Variants in FER observed in about 807,000 individuals in gnomAD.
FER encodes the protein FER tyrosine kinase, also known as tyrosine-protein kinase Fer.
A neutral mutation model predicts 111.0 loss-of-function variants in FER; 63 were observed. The ratio of observed to expected loss-of-function variants is 0.57; its 90% CI spans 0.46 to 0.70. The LOEUF is 0.70. FER is among the 30% of genes least tolerant of loss of function. FER has a pLI of 0.00. For missense variants in FER, 914 were observed against 954.0 expected, an observed-to-expected ratio of 0.96 and a Z score of 0.55; for synonymous variants, 327 against 313.9, an observed-to-expected ratio of 1.04 and a Z score of -0.44.
At chr5:109,117,685 G>A (rs926135396) in intron 17 of FER, among the ~76,000 whole-genome samples, 7 of 151,316 alleles carry the variant, frequency 4.6e-5, no homozygotes, top group African/African-American at 1.7e-4. Flanking sequence ...TTATTTCCTT[G>A]AGCAGTGGTT....
At chr5:108,940,862 C>T (rs1298360529) in intron 10 of FER, among the ~76,000 whole-genome samples, 2 of 152,018 alleles carry the variant, frequency 1.3e-5, no homozygotes, top group Non-Finnish European at 2.9e-5. Flanking sequence ...AAACTGAGTA[C>T]TCTAGGCTTT....
At chr5:109,075,783 G>A (rs1776274881) in intron 16 of FER, among the ~76,000 whole-genome samples, 1 of 152,068 alleles carries the variant, frequency 6.6e-6, no homozygotes, top group Non-Finnish European at 1.5e-5. Flanking sequence ...ATTAATCGTG[G>A]TTGGAAGCTA....
intron 17 of FER, among the ~76,000 whole-genome samples, chr5:109,122,717 A>G (rs946277651): frequency 2.0e-5 from 3 of 152,140 alleles, no homozygotes; most frequent in African/African-American, 7.2e-5. Flanking sequence ...TTTAGCCCTA[A>G]TAATATTTGC....
intron 8 of FER, among the ~76,000 whole-genome samples, chr5:108,875,488 T>C (rs549997360): frequency 7.2e-5 from 11 of 152,184 alleles, no homozygotes; most frequent in Non-Finnish European, 1.2e-4. Flanking sequence ...TAAAATTATA[T>C]ATGCAAATAT....
Position 108,977,469 on chromosome 5 carries a change from A to T in FER, c.1656+18122A>T, listed in dbSNP as rs182302488. ...AAATATTTTCCAATGTATTTAATTT[A>T]AAAAGTCCATGTATAAGTGAATCCA... On this transcript the variant is annotated intron_variant, in intron 13 of 19. Coordinates refer to ENST00000281092, the MANE Select transcript of FER (RefSeq NM_005246.4). Among the ~76,000 whole-genome samples, 427 of 152,306 alleles carry T rather than the reference A, an allele frequency of 2.8e-3. 1 individual carries two copies. Among genetic ancestry groups the T allele is most frequent in the Middle Eastern group, 6.8e-3 (2 of 294 alleles).
At chr5:109,146,049 AT>A (rs944393464) in intron 17 of FER, among the ~76,000 whole-genome samples, 8 of 151,208 alleles carry the variant, frequency 5.3e-5, no homozygotes, top group African/African-American at 1.9e-4. Flanking sequence ...CAGGCAACCA[AT>A]AAAAAACTAT....
intron 17 of FER, among the ~76,000 whole-genome samples, chr5:109,128,563 T>G (rs1351425936): frequency 6.6e-6 from 1 of 152,152 alleles, no homozygotes; most frequent in African/African-American, 2.4e-5. Context: ...GTTTACTCTC[T>G]TGTAGCATGC....
intron 17 of FER, among the ~76,000 whole-genome samples, chr5:109,102,552 TTC>T (rs1162812965): frequency 6.6e-6 from 1 of 152,212 alleles, no homozygotes. Context: ...ATAGAATATC[TTC>T]TTTTTGTTTT....
At chr5:109,118,560 G>T (rs1443085731) in intron 17 of FER, among the ~76,000 whole-genome samples, 1 of 152,132 alleles carries the variant, frequency 6.6e-6, no homozygotes, top group African/African-American at 2.4e-5. Flanking sequence ...TCTATTGATT[G>T]GAATAGTTTC....
chr5:108,988,786 C>T (rs1350533283), intron 13 of FER, among the ~76,000 whole-genome samples: 1 of 151,986 alleles, frequency 6.6e-6, no homozygotes, highest in Non-Finnish European at 1.5e-5. Flanking sequence ...TTATTTGTTT[C>T]AGTTTCATTT....
At chr5:109,005,411 A>G (rs778393283) in intron 13 of FER, among the ~76,000 whole-genome samples, 1 of 152,096 alleles carries the variant, frequency 6.6e-6, no homozygotes, top group Non-Finnish European at 1.5e-5. Flanking sequence ...GTGTTTATTC[A>G]AACATACTTA....
chr5:108,772,437 A>C (rs1164535171), intron 2 of FER, among the ~76,000 whole-genome samples: 4 of 148,884 alleles, frequency 2.7e-5, no homozygotes, highest in Non-Finnish European at 6.0e-5. Flanking sequence ...ATTTTCAAAC[A>C]GCTGCTTGCT....
intron 16 of FER, among the ~76,000 whole-genome samples, chr5:109,063,870 C>CT (rs1052995336): frequency 3.3e-5 from 5 of 152,028 alleles, no homozygotes; most frequent in Non-Finnish European, 5.9e-5. Context: ...AGAATGAGTA[C>CT]TTTTTTTCTT....
intron 16 of FER, among the ~76,000 whole-genome samples, chr5:109,097,878 C>A (rs1747732354): frequency 6.6e-6 from 1 of 151,704 alleles, no homozygotes; most frequent in African/African-American, 2.4e-5. Flanking sequence ...GAGGTCCTTG[C>A]TTCCCTCTAG....
intron 13 of FER, among the ~76,000 whole-genome samples, chr5:108,975,682 T>C (rs150616350): frequency 6.6e-6 from 1 of 152,176 alleles, no homozygotes; most frequent in African/African-American, 2.4e-5. Context: ...AGGTAAGAAA[T>C]AGAAGTGACA....
chr5:109,179,376 C>G (rs980143090), intron 17 of FER, among the ~76,000 whole-genome samples: 5 of 150,196 alleles, frequency 3.3e-5, no homozygotes, highest in African/African-American at 1.2e-4. Context: ...AAATAAATTC[C>G]TTAATATTTC....
At chr5:109,152,120 A>G (rs1250808128) in intron 17 of FER, among the ~76,000 whole-genome samples, 2 of 152,092 alleles carry the variant, frequency 1.3e-5, no homozygotes, top group African/African-American at 4.8e-5. Flanking sequence ...TGGTACATAT[A>G]TATGAACTTG....
chr5:109,083,763 T>TGACA lies in FER; in HGVS notation c.1925-16630_1925-16627dup, dbSNP rs1226038955. On this transcript the variant is annotated intron_variant, in intron 16 of 19. Transcript: ENST00000281092. ...AAAGATGAAATAATGCCTCCCTGTATGACAGAGAGTAGGCTTGCTTACTGC... is the reference window on the plus strand; with the variant it reads ...AAAGATGAAATAATGCCTCCCTGTATGACAGACAGAGAGTAGGCTTGCTTACTGC... Among the ~76,000 whole-genome samples, 5 of 152,086 alleles carry TGACA rather than the reference T, an allele frequency of 3.3e-5. No individual in the cohort carries two copies. The East Asian group carries it at 9.7e-4, about 29-fold the overall frequency.
intron 17 of FER, among the ~76,000 whole-genome samples, chr5:109,135,666 A>G (rs1021484779): frequency 1.3e-5 from 2 of 152,086 alleles, no homozygotes; most frequent in African/African-American, 4.8e-5. Flanking sequence ...AACAAGGACC[A>G]CTATTATCCA....
Sources: allele counts gnomAD v4.1 joint callset (sites outside exome capture counted in the v4.1 genomes callset), GRCh38; gene constraint gnomAD v4.1.1; transcripts MANE v1.5; gene names NCBI Gene and HGNC (gene_info 2026-07-23, HGNC 2026-07-21).